The following TRPC4AP variants were observed in gnomAD, a reference collection of about 807,000 sequenced individuals.
The protein encoded by TRPC4AP is short transient receptor potential channel 4-associated protein.
Under a neutral mutation model 99.0 loss-of-function variants are expected in TRPC4AP, and 45 were observed. The observed-to-expected ratio is 0.45, with a 90% CI of 0.36 to 0.58. TRPC4AP has a LOEUF of 0.58. TRPC4AP is among the 20% of genes least tolerant of loss of function. TRPC4AP has a pLI of 0.00. For missense variants in TRPC4AP, 879 were observed against 985.3 expected (o/e 0.89, Z 1.44); for synonymous variants, 408 against 385.8 (o/e 1.06, Z -0.67).
intron 2 of TRPC4AP, among the ~76,000 whole-genome samples, chr20:35,076,989 G>A (rs1208088979): frequency 2.6e-5 from 4 of 152,186 alleles, no homozygotes; most frequent in African/African-American, 9.7e-5. Flanking sequence ...CTGCTTTGCT[G>A]CCACCTTGCA....
At chr20:35,081,410 T>C (rs1600662507) in intron 1 of TRPC4AP, among the ~76,000 whole-genome samples, 1 of 150,604 alleles carries the variant, frequency 6.6e-6, no homozygotes, top group African/African-American at 2.4e-5. Context: ...GTTACTCAGG[T>C]AGCTGAGGCA....
intron 8 of TRPC4AP, among the ~76,000 whole-genome samples, chr20:35,026,720 C>T (rs540195556): frequency 1.3e-5 from 2 of 152,212 alleles, no homozygotes. Context: ...GATGTCTTTA[C>T]ATTTATTTAG....
chr20:35,015,048 G>C (rs1410592882), intron 10 of TRPC4AP, among the ~76,000 whole-genome samples: 1 of 152,174 alleles, frequency 6.6e-6, no homozygotes, highest in African/African-American at 2.4e-5. Flanking sequence ...ACCCAGGCCG[G>C]ATGTGCAGTG....
chr20:35,014,126 C>G (rs995282189), intron 10 of TRPC4AP, among the ~76,000 whole-genome samples: 2 of 152,208 alleles, frequency 1.3e-5, no homozygotes, highest in South Asian at 4.2e-4. Flanking sequence ...GCTGGGATTA[C>G]GGGTGTGAGC....
At chr20:35,035,016 T>G in intron 8 of TRPC4AP, 107 bp downstream of exon 8, 1 of 1,267,222 alleles carries the variant, frequency 7.9e-7, no homozygotes, top group Non-Finnish European at 1.1e-6. Flanking sequence ...AGGACAATTC[T>G]ACTCTGAGCA....
At position 35,010,242 on chromosome 20, in the gene TRPC4AP, C is replaced by A; in HGVS notation, c.1456G>T (p.Ala486Ser). ...GGGATGTTGGCCTTGAGAGAGATGG[C>A]ACTGAGTTCATTCAGCTCCTGGTTG... ...LNNQELNELS[A>S]ISLKANIPEV... The change falls in exon 12 of 19, where the codon GCC (alanine) becomes TCC (serine). Residue 486 changes from alanine (A) to serine (S), a missense_variant. Coordinates refer to ENST00000252015, the MANE Select transcript of TRPC4AP (RefSeq NM_015638.3). 6.2e-7 allele frequency: 1 copy of A among 1,614,190 alleles called. No individual in the cohort carries two copies. The highest frequency in any genetic ancestry group is 8.5e-7 in the Non-Finnish European group (1 of 1,180,036).
chr20:35,070,479 C>T (rs1339754047), intron 2 of TRPC4AP, among the ~76,000 whole-genome samples: 3 of 151,772 alleles, frequency 2.0e-5, no homozygotes, highest in South Asian at 2.1e-4. Flanking sequence ...GGCGCGATCT[C>T]GGCTCACTGC....
chr20:35,005,576 C>A, intron 16 of TRPC4AP, 119 bp downstream of exon 16: 1 of 902,074 alleles, frequency 1.1e-6, no homozygotes, highest in Non-Finnish European at 1.7e-6. Flanking sequence ...TTGAGGCCGG[C>A]CACGTGGGCA....
intron 9 of TRPC4AP, among the ~76,000 whole-genome samples, chr20:35,018,604 G>GAAAAAAAAAAAAAAAAAAAAAAAA (rs11479211): frequency 1.1e-5 from 1 of 88,950 alleles, no homozygotes; most frequent in Non-Finnish European, 2.1e-5. Context: ...CTCAAAAAAA[G>GAAAAAAAAAAAAAAAAAAAAAAAA]AAAAAAAAAA....
At chr20:35,052,574 C>G (rs886346163) in intron 5 of TRPC4AP, among the ~76,000 whole-genome samples, 7 of 152,278 alleles carry the variant, frequency 4.6e-5, no homozygotes, top group Admixed American at 3.9e-4. Flanking sequence ...CAGCTCACTG[C>G]AACCTCTGCC....
At chr20:35,068,404 T>C (rs2084199973) in intron 3 of TRPC4AP, among the ~76,000 whole-genome samples, 1 of 152,212 alleles carries the variant, frequency 6.6e-6, no homozygotes, top group African/African-American at 2.4e-5. Context: ...CTCACATGTA[T>C]ACAAAAATAT....
chr20:35,027,265 T>C (rs927423386), intron 8 of TRPC4AP, among the ~76,000 whole-genome samples: 7 of 152,352 alleles, frequency 4.6e-5, no homozygotes, highest in Non-Finnish European at 1.0e-4. Flanking sequence ...TGAAAGGGTG[T>C]TGGATTTTGT....
chr20:35,074,474 T>C (rs1302323434), intron 2 of TRPC4AP, among the ~76,000 whole-genome samples: 1 of 152,210 alleles, frequency 6.6e-6, no homozygotes, highest in Admixed American at 6.5e-5. Flanking sequence ...GTCATGTCTT[T>C]GTTCTCAATG....
At chr20:35,051,448 C>T (rs2147379994) in intron 5 of TRPC4AP, among the ~76,000 whole-genome samples, 1 of 152,156 alleles carries the variant, frequency 6.6e-6, no homozygotes, top group East Asian at 1.9e-4. Context: ...ACTGGGACTA[C>T]AGGCGTGCAC....
At chr20:35,073,988 C>G (rs998054722) in intron 2 of TRPC4AP, among the ~76,000 whole-genome samples, 1 of 151,996 alleles carries the variant, frequency 6.6e-6, no homozygotes, top group South Asian at 2.1e-4. Flanking sequence ...AACTTCTTCC[C>G]AGTTTAGTCT....
chr20:35,008,612 C>G (rs750322557), intron 13 of TRPC4AP, 52 bp downstream of exon 13: 11 of 1,537,876 alleles, frequency 7.2e-6, no homozygotes, highest in Non-Finnish European at 8.9e-6. Flanking sequence ...TCCTGAGAAA[C>G]ACCTGGCTCT....
At chr20:35,040,228 G>A (rs570605815) in intron 7 of TRPC4AP, among the ~76,000 whole-genome samples, 1 of 152,094 alleles carries the variant, frequency 6.6e-6, no homozygotes, top group Admixed American at 6.5e-5. Flanking sequence ...TACATGGCTG[G>A]CACAGCACTG....
At chr20:35,043,553 G>A (rs1462902800) in intron 7 of TRPC4AP, among the ~76,000 whole-genome samples, 2 of 151,962 alleles carry the variant, frequency 1.3e-5, no homozygotes, top group Admixed American at 6.6e-5. Flanking sequence ...TGGCCTCAGT[G>A]AATAATCTTG....
chr20:35,050,291 C>G (rs891858354), intron 5 of TRPC4AP, among the ~76,000 whole-genome samples: 2 of 152,220 alleles, frequency 1.3e-5, no homozygotes, highest in African/African-American at 4.8e-5. Flanking sequence ...ATTCTTAAAT[C>G]TGAAATCAAA....
Sources: allele counts gnomAD v4.1 joint callset (sites outside exome capture counted in the v4.1 genomes callset), GRCh38; gene constraint gnomAD v4.1.1; transcripts MANE v1.5; gene names NCBI Gene and HGNC (gene_info 2026-07-23, HGNC 2026-07-21).